ASXL3: variants seen among roughly 807,000 people sequenced by gnomAD.
ASXL3 encodes putative Polycomb group protein ASXL3.
ASXL3 carries 34 observed loss-of-function variants against 170.6 expected under a neutral mutation model. The observed-to-expected ratio is 0.20, with a 90% CI of 0.15 to 0.27. The LOEUF is 0.27. Among genes scored for constraint, ASXL3 ranks in the 10% least tolerant of loss-of-function variants. The probability of loss-of-function intolerance (pLI) is 1.00; values close to 1 mark genes in which losing one functional copy is unlikely to be tolerated. For missense variants in ASXL3, 2,592 were observed against 2,695.3 expected, an observed-to-expected ratio of 0.96 and a Z score of 0.85; for synonymous variants, 1,002 against 989.1, an observed-to-expected ratio of 1.01 and a Z score of -0.24.
intron 8 of ASXL3, among the ~76,000 whole-genome samples, chr18:33,687,336 T>C (rs1331331380): frequency 1.3e-5 from 2 of 152,204 alleles, no homozygotes; most frequent in African/African-American, 4.8e-5. Context: ...CACCACTGTT[T>C]CATGGCCATA....
intron 8 of ASXL3, among the ~76,000 whole-genome samples, chr18:33,714,596 G>A (rs547064062): frequency 9.9e-5 from 15 of 152,176 alleles, no homozygotes; most frequent in South Asian, 6.2e-4. Flanking sequence ...TATTGCTCTC[G>A]TATTTCCCAT....
chr18:33,665,552 C>T (rs1292630735), intron 5 of ASXL3, among the ~76,000 whole-genome samples: 6 of 152,118 alleles, frequency 3.9e-5, no homozygotes, highest in Admixed American at 2.0e-4. Context: ...TTACTGCATT[C>T]GATGCATTCT....
At chr18:33,688,116 G>T (rs1029078817) in intron 8 of ASXL3, among the ~76,000 whole-genome samples, 2 of 152,118 alleles carry the variant, frequency 1.3e-5, no homozygotes, top group African/African-American at 2.4e-5. Context: ...TAATAGTACC[G>T]TTTAGATCAC....
At chr18:33,686,036 A>C (rs1431091906) in intron 8 of ASXL3, among the ~76,000 whole-genome samples, 1 of 152,258 alleles carries the variant, frequency 6.6e-6, no homozygotes, top group Non-Finnish European at 1.5e-5. Flanking sequence ...TCTTAGTTTT[A>C]GTCGAATATT....
At chr18:33,638,283 G>A (rs553003537) in intron 2 of ASXL3, among the ~76,000 whole-genome samples, 11 of 151,786 alleles carry the variant, frequency 7.2e-5, no homozygotes, top group African/African-American at 9.7e-5. Context: ...GACTAGTCTC[G>A]AATTCCTGAT....
chr18:33,713,785 A>G (rs1364193254), intron 8 of ASXL3, among the ~76,000 whole-genome samples: 4 of 152,184 alleles, frequency 2.6e-5, no homozygotes, highest in Non-Finnish European at 5.9e-5. Flanking sequence ...TGATGGAAAT[A>G]CCACAAGCGG....
chr18:33,634,474 A>G (rs1355150705), intron 2 of ASXL3, among the ~76,000 whole-genome samples: 1 of 152,120 alleles, frequency 6.6e-6, no homozygotes, highest in Non-Finnish European at 1.5e-5. Context: ...TAGGGGAAAT[A>G]TATCTAAATC....
intron 1 of ASXL3, among the ~76,000 whole-genome samples, chr18:33,591,645 T>A (rs965038677): frequency 3.3e-5 from 5 of 151,938 alleles, no homozygotes; most frequent in Admixed American, 6.6e-5. Context: ...CTACTTTTTT[T>A]TTTTTTTTCT....
rs1469219772 is a variant in ASXL3, at chr18:33,749,154, T to TA, written c.*2561dup. ...TATATTACTGAAAAATTAATATCTTTAAGCTAAAATATAAGGGAAAGGAAG... is the reference window on the plus strand; with the variant it reads ...TATATTACTGAAAAATTAATATCTTTAAAGCTAAAATATAAGGGAAAGGAAG... On this transcript the variant is annotated 3_prime_UTR_variant, in exon 12 of 12. Transcript: ENST00000269197. 1 of 151,670 alleles carries TA rather than the reference T, an allele frequency of 6.6e-6. No homozygotes were observed. Among genetic ancestry groups the TA allele is most frequent in the Non-Finnish European group, 1.5e-5 (1 of 67,976 alleles). 9.4% of individuals were successfully genotyped at this position (151,670 alleles called of 1,614,324 possible).
At chr18:33,604,157 C>A (rs1445371035) in intron 1 of ASXL3, among the ~76,000 whole-genome samples, 1 of 151,910 alleles carries the variant, frequency 6.6e-6, no homozygotes, top group Non-Finnish European at 1.5e-5. Context: ...AAAGGAGAAG[C>A]AATTCACAAT....
intron 5 of ASXL3, among the ~76,000 whole-genome samples, chr18:33,664,714 T>A (rs1041894890): frequency 1.3e-5 from 2 of 152,208 alleles, no homozygotes; most frequent in African/African-American, 4.8e-5. Flanking sequence ...GCCTAAAGCA[T>A]GTTGCTACAG....
intron 4 of ASXL3, among the ~76,000 whole-genome samples, chr18:33,650,409 A>C (rs994996664): frequency 2.6e-5 from 4 of 152,098 alleles, no homozygotes; most frequent in Non-Finnish European, 5.9e-5. Flanking sequence ...TAGAAAAGAA[A>C]AAGGCTACCA....
At chr18:33,605,925 G>A (rs972756347) in intron 1 of ASXL3, among the ~76,000 whole-genome samples, 2 of 151,666 alleles carry the variant, frequency 1.3e-5, no homozygotes, top group Admixed American at 6.6e-5. Flanking sequence ...TGAGAGACCC[G>A]TTGCCTTTCA....
chr18:33,684,196 T>A (rs1406827416), intron 8 of ASXL3, among the ~76,000 whole-genome samples: 2 of 152,068 alleles, frequency 1.3e-5, no homozygotes, highest in African/African-American at 4.8e-5. Context: ...AGGAAAAAAA[T>A]TTTATCACAT....
intron 3 of ASXL3, 25 bp downstream of exon 3, chr18:33,645,027 G>T (rs1174843784): frequency 2.1e-6 from 3 of 1,423,530 alleles, no homozygotes; most frequent in African/African-American, 1.4e-5. Context: ...TCTGCATATT[G>T]TTATTACTAT....
At chr18:33,600,701 G>A (rs1451881688) in intron 1 of ASXL3, among the ~76,000 whole-genome samples, 2 of 152,090 alleles carry the variant, frequency 1.3e-5, no homozygotes, top group South Asian at 2.1e-4. Flanking sequence ...AATCCTGCAG[G>A]AAATTAGGAT....
At chr18:33,661,285 C>T (rs150053494) in intron 4 of ASXL3, among the ~76,000 whole-genome samples, 12 of 151,966 alleles carry the variant, frequency 7.9e-5, no homozygotes, top group Admixed American at 2.0e-4. Flanking sequence ...GCCTAATCTC[C>T]ATATTCAAAT....
At chr18:33,651,380 A>C (rs537273940) in intron 4 of ASXL3, among the ~76,000 whole-genome samples, 2 of 152,176 alleles carry the variant, frequency 1.3e-5, no homozygotes, top group African/African-American at 4.8e-5. Context: ...ATGTGATCAG[A>C]GAGAGAAGGT....
chr18:33,725,213 G>A (rs1239544442), intron 8 of ASXL3, among the ~76,000 whole-genome samples: 1 of 152,050 alleles, frequency 6.6e-6, no homozygotes, highest in Admixed American at 6.6e-5. Flanking sequence ...CTCCTGATTA[G>A]TGTCTCACTG....
Sources: gnomAD v4.1 joint callset for allele counts (sites outside exome capture counted in the v4.1 genomes callset) on GRCh38, gnomAD v4.1.1 for gene constraint, MANE v1.5 for transcripts, NCBI Gene and HGNC (gene_info 2026-07-23, HGNC 2026-07-21) for gene names.